CNNM2: variants seen among roughly 807,000 people sequenced by gnomAD.
CNNM2 encodes the protein cyclin and CBS domain divalent metal cation transport mediator 2, also known as metal transporter CNNM2.
In CNNM2, 12 loss-of-function variants were observed where a neutral mutation model predicts 66.9. The ratio of observed to expected loss-of-function variants is 0.18; its 90% CI spans 0.11 to 0.29. The LOEUF is 0.29. Among genes scored for constraint, CNNM2 ranks in the 10% least tolerant of loss-of-function variants. The pLI is 1.00. For missense variants in CNNM2, 705 were observed against 1,167.7 expected (o/e 0.60, Z 5.77); for synonymous variants, 557 against 501.8 (o/e 1.11, Z -1.47).
At chr10:102,942,258 C>T (rs1477986031) in intron 1 of CNNM2, among the ~76,000 whole-genome samples, 1 of 152,192 alleles carries the variant, frequency 6.6e-6, no homozygotes, top group Non-Finnish European at 1.5e-5. Context: ...TGGTGTGCCA[C>T]CATTCCAGAA....
In CNNM2 at chr10:102,981,810, T is replaced by C. The variant is rs1242491470; in HGVS notation, c.1621+61709T>C. ...ATAGTAAGTGTTTATTGGCCATATG[T>C]CTAGGATAGTTGGCTGGGAGGCTCT... On this transcript the variant is annotated intron_variant, in intron 1 of 7. Transcript: ENST00000369878. Among the ~76,000 whole-genome samples, 4 of 151,712 alleles carry C rather than the reference T, an allele frequency of 2.6e-5. No individual in the cohort carries two copies. The Admixed American group carries it at 2.6e-4, about 10-fold the overall frequency.
chr10:102,957,743 T>G (rs1847099100), intron 1 of CNNM2, among the ~76,000 whole-genome samples: 1 of 152,182 alleles, frequency 6.6e-6, no homozygotes, highest in Non-Finnish European at 1.5e-5. Flanking sequence ...TCTGTTTAAT[T>G]TTGATGCAGT....
chr10:102,978,647 G>C (rs1404820526), intron 1 of CNNM2, among the ~76,000 whole-genome samples: 1 of 152,144 alleles, frequency 6.6e-6, no homozygotes, highest in Non-Finnish European at 1.5e-5. Flanking sequence ...CTTTACTGAT[G>C]TTTATAAGCA....
chr10:102,973,017 A>G (rs530545961), intron 1 of CNNM2, among the ~76,000 whole-genome samples: 7 of 152,204 alleles, frequency 4.6e-5, no homozygotes, highest in Non-Finnish European at 8.8e-5. Context: ...GGATGACAGC[A>G]TGACATAGTT....
chr10:103,078,858 G>A lies in CNNM2; in HGVS notation c.*1678G>A, dbSNP rs2134375493. The A allele has an allele frequency of 6.6e-6, 1 of 152,660 alleles. No individual in the cohort carries two copies. The highest frequency in any genetic ancestry group is 2.1e-4 in the South Asian group (1 of 4,834). The allele number at this position is 152,660 out of a possible 1,614,324, so 9.5% of individuals were successfully genotyped here. On this transcript the variant is annotated 3_prime_UTR_variant, in exon 8 of 8. Coordinates refer to ENST00000369878, the MANE Select transcript of CNNM2 (RefSeq NM_017649.5). The stretch of plus-strand genomic sequence containing the variant: ...GTGCGGGGCAGGGAGCGTGGCTGAG[G>A]AGCAGACAGCAGCGGGCCGGGCTGG...
intron 1 of CNNM2, among the ~76,000 whole-genome samples, chr10:103,008,517 A>G (rs938984013): frequency 6.6e-6 from 1 of 152,208 alleles, no homozygotes; most frequent in African/African-American, 2.4e-5. Context: ...GGTGCCTCAC[A>G]CTTGTGATCC....
intron 1 of CNNM2, among the ~76,000 whole-genome samples, chr10:102,935,451 CCTCAT>C (rs1233108392): frequency 6.6e-6 from 1 of 151,870 alleles, no homozygotes; most frequent in Non-Finnish European, 1.5e-5. Flanking sequence ...ACAGAGGAGA[CCTCAT>C]CTCAAAAAAA....
At chr10:102,933,459 G>A (rs1294971909) in intron 1 of CNNM2, among the ~76,000 whole-genome samples, 2 of 152,076 alleles carry the variant, frequency 1.3e-5, no homozygotes, top group Non-Finnish European at 2.9e-5. Context: ...AGTGATTTTT[G>A]TATGTTGATC....
intron 1 of CNNM2, among the ~76,000 whole-genome samples, chr10:102,953,102 ACTTTATGGAC>A (rs1191181067): frequency 1.3e-5 from 2 of 152,194 alleles, no homozygotes; most frequent in Non-Finnish European, 2.9e-5. Context: ...ATATTATGAA[ACTTTATGGAC>A]ATGACTTGAG....
At chr10:103,016,875 G>GT (rs1256964289) in intron 1 of CNNM2, among the ~76,000 whole-genome samples, 1 of 151,744 alleles carries the variant, frequency 6.6e-6, no homozygotes, top group Non-Finnish European at 1.5e-5. Flanking sequence ...CTGCCCTGTT[G>GT]TTTGTTTCTT....
intron 1 of CNNM2, among the ~76,000 whole-genome samples, chr10:103,020,336 A>T (rs1006291424): frequency 2.6e-4 from 40 of 152,136 alleles, no homozygotes; most frequent in African/African-American, 9.6e-4. Flanking sequence ...TTGTATTTTT[A>T]GTAGGGATGG....
intron 1 of CNNM2, among the ~76,000 whole-genome samples, chr10:102,977,789 CTTTT>C (rs1204518133): frequency 6.6e-6 from 1 of 151,810 alleles, no homozygotes; most frequent in Non-Finnish European, 1.5e-5. Flanking sequence ...ACTCTGTCTA[CTTTT>C]TTTTGTTTTT....
In CNNM2 at chr10:102,918,353, T is replaced by C. The variant is rs1245678135; in HGVS notation, c.-128T>C. The C allele has an allele frequency of 3.5e-6, 5 of 1,445,854 alleles. No homozygotes were observed. Among genetic ancestry groups the C allele is most frequent in the Non-Finnish European group, 4.6e-6 (5 of 1,092,468 alleles). 89.6% of individuals were successfully genotyped at this position (1,445,854 alleles called of 1,614,324 possible). ...CCTCAGCTGGCTGAGGTGGAGTCAG[T>C]GTCAGTCAGGGAGGCGAACTGCTGA... On this transcript the variant is annotated 5_prime_UTR_variant, in exon 1 of 8. Coordinates refer to ENST00000369878, the MANE Select transcript of CNNM2 (RefSeq NM_017649.5). This position sits in a 1 kb window ranked among gnomAD's most constrained non-coding sequence, Gnocchi z 4.1.
At chr10:103,001,139 T>A (rs1476457562) in intron 1 of CNNM2, among the ~76,000 whole-genome samples, 1 of 152,088 alleles carries the variant, frequency 6.6e-6, no homozygotes, top group Non-Finnish European at 1.5e-5. Flanking sequence ...TTAGTCAAAA[T>A]TATAGAGATA....
At chr10:103,029,690 C>T (rs907215458) in intron 1 of CNNM2, among the ~76,000 whole-genome samples, 6 of 151,472 alleles carry the variant, frequency 4.0e-5, no homozygotes, top group South Asian at 2.1e-4. Context: ...GATGAAACCC[C>T]GTCTCTACTA....
chr10:102,935,976 C>T (rs1846226248), intron 1 of CNNM2, among the ~76,000 whole-genome samples: 1 of 151,314 alleles, frequency 6.6e-6, no homozygotes, highest in South Asian at 2.1e-4. Context: ...CAAAATGAAA[C>T]TCTATGGTGT....
intron 1 of CNNM2, among the ~76,000 whole-genome samples, chr10:102,997,770 A>G (rs1022446427): frequency 6.6e-6 from 1 of 152,208 alleles, no homozygotes; most frequent in African/African-American, 2.4e-5. Context: ...ATATTAAGCA[A>G]GAAAGATACA....
At chr10:102,966,854 C>G (rs1022120574) in intron 1 of CNNM2, among the ~76,000 whole-genome samples, 1 of 152,034 alleles carries the variant, frequency 6.6e-6, no homozygotes, top group Non-Finnish European at 1.5e-5. Flanking sequence ...TATGCAGTCT[C>G]CTTGGGAGTG....
rs1238281549 is a variant in CNNM2, at chr10:102,933,112, G to C, written c.1621+13011G>C. 2.0e-5 allele frequency among the ~76,000 whole-genome samples: 3 copies of C among 152,172 alleles called. No homozygotes were observed. The East Asian group carries it at 5.8e-4, about 29-fold the overall frequency. Reference sequence around the variant, plus strand: ...CTTGTCAAGATTGTTTTGGCTGTCAGGATTCCTTGCATTTCCATGTGAATT... The same window carrying C: ...CTTGTCAAGATTGTTTTGGCTGTCACGATTCCTTGCATTTCCATGTGAATT... On this transcript the variant is annotated intron_variant, in intron 1 of 7. Coordinates refer to ENST00000369878, the MANE Select transcript of CNNM2 (RefSeq NM_017649.5).
Sources: gnomAD v4.1 joint callset for allele counts (sites outside exome capture counted in the v4.1 genomes callset) on GRCh38, gnomAD v4.1.1 for gene constraint, Gnocchi (gnomAD v3.1) non-coding constraint, MANE v1.5 for transcripts, NCBI Gene and HGNC (gene_info 2026-07-23, HGNC 2026-07-21) for gene names.